The following NUP88 variants were observed in gnomAD, a reference collection of about 807,000 sequenced individuals.
The protein encoded by NUP88 is nucleoporin 88.
In NUP88, 57 loss-of-function variants were observed where a neutral mutation model predicts 93.9. That is an observed-to-expected ratio of 0.61 (90% CI 0.49 to 0.76). The LOEUF (loss-of-function observed/expected upper bound fraction) is 0.76. Ranked by LOEUF, NUP88 falls within the 30% of genes least tolerant of loss-of-function variation. The pLI is 0.00. For missense variants in NUP88, 911 were observed against 901.0 expected (o/e 1.01, Z -0.14); for synonymous variants, 346 against 336.8 (o/e 1.03, Z -0.30).
chr17:5,395,325 T>C (rs1216485981), intron 8 of NUP88, among the ~76,000 whole-genome samples: 1 of 37,574 alleles, frequency 2.7e-5, no homozygotes, highest in Non-Finnish European at 4.3e-5. Flanking sequence ...GGATTTCACA[T>C]TTTTTTTTTG....
In NUP88 at chr17:5,387,114, T is replaced by C; in HGVS notation, c.1917-4A>G. 1.2e-6 allele frequency: 2 copies of C among 1,612,712 alleles called. No individual in the cohort carries two copies. The highest frequency in any genetic ancestry group is 1.7e-6 in the Non-Finnish European group (2 of 1,179,624). ...ACTGTGAAGTAGTTTTTTCATCCTT[T>C]AGAAAAGGCAAGCAAACATCTCAAT... On this transcript the variant is annotated splice_region_variant and splice_polypyrimidine_tract_variant and intron_variant, in intron 14 of 16. Transcript: ENST00000573584.
chr17:5,403,216 G>T (rs58832024), intron 7 of NUP88, among the ~76,000 whole-genome samples: 66,174 of 151,636 alleles, frequency 0.44, 15,185 homozygotes, highest in East Asian at 0.84. Context: ...AGTGGCTCAC[G>T]CCTGGAATCC....
intron 10 of NUP88, 115 bp downstream of exon 10, chr17:5,391,446 A>G (rs1912410255): frequency 1.3e-6 from 1 of 753,380 alleles, no homozygotes; most frequent in Non-Finnish European, 2.2e-6. Flanking sequence ...TCAAGTCAGA[A>G]GCCAAAGTAT....
intron 8 of NUP88, among the ~76,000 whole-genome samples, chr17:5,397,880 TATTA>T (rs1240575859): frequency 6.6e-6 from 1 of 152,058 alleles, no homozygotes; most frequent in African/African-American, 2.4e-5. Flanking sequence ...GAATAATTGG[TATTA>T]ATTCTTTTTT....
chr17:5,409,082 A>G (rs1161760102), intron 4 of NUP88, among the ~76,000 whole-genome samples, 173 bp from the exon 5 acceptor site: 1 of 152,248 alleles, frequency 6.6e-6, no homozygotes, highest in African/African-American at 2.4e-5. Flanking sequence ...GTTAACATTT[A>G]AAAATTCTCA....
intron 3 of NUP88, among the ~76,000 whole-genome samples, chr17:5,412,456 C>A (rs182949949): frequency 6.6e-6 from 1 of 152,164 alleles, no homozygotes; most frequent in Non-Finnish European, 1.5e-5. Flanking sequence ...TAGCAATACA[C>A]ACGTATCACG....
In NUP88 at chr17:5,419,395, G is replaced by T; in HGVS notation, c.256C>A (p.Pro86Thr). ...GCGGGCTCTTCGCCGCCGCCGCTGG[G>T]GCCCCGAAGGCGAACGACTAAGAAG... ...SSFLVVRLRG[P>T]SGGGEEPALS... Residue 86 changes from proline to threonine, a missense_variant, in exon 1 of 17, where the codon CCC (proline) becomes ACC (threonine). Pro to Thr is a conservative substitution (Grantham distance 38). Coordinates refer to ENST00000573584, the MANE Select transcript of NUP88 (RefSeq NM_002532.6). 6.2e-7 allele frequency: 1 copy of T among 1,607,660 alleles called. No individual in the cohort carries two copies.
chr17:5,385,345 G>T lies in NUP88; in HGVS notation c.*861C>A. 4.3e-6 allele frequency: 1 copy of T among 230,806 alleles called. No homozygotes were observed. The highest frequency in any genetic ancestry group is 6.2e-5 in the East Asian group (1 of 16,204). 14.3% of individuals were successfully genotyped at this position (230,806 alleles called of 1,614,324 possible). A position where few individuals can be genotyped will look rare whatever the true frequency, so the allele number is the denominator to read the frequency against. On this transcript the variant is annotated 3_prime_UTR_variant, in exon 17 of 17. Coordinates refer to ENST00000573584, the MANE Select transcript of NUP88 (RefSeq NM_002532.6). ...TCAGTTGGGTTTCACGAGTGTTCCT[G>T]TGCTTATATTCAGTCTGTGCCTACA...
chr17:5,419,348 C>T lies in NUP88; in HGVS notation c.297+6G>A. 6.4e-7 allele frequency: 1 copy of T among 1,557,568 alleles called. No individual in the cohort carries two copies. Among genetic ancestry groups the T allele is most frequent in the South Asian group, 1.2e-5 (1 of 84,688 alleles). ...AGGGTCACTTCCAAGATCGGCCTGGCATTACCTGGTACTGGGACAGGGCGG... is the reference window on the plus strand; with the variant it reads ...AGGGTCACTTCCAAGATCGGCCTGGTATTACCTGGTACTGGGACAGGGCGG... On this transcript the variant is annotated splice_donor_region_variant and intron_variant, in intron 1 of 16. Transcript: ENST00000573584.
At chr17:5,413,619 C>T (rs56018748) in intron 3 of NUP88, among the ~76,000 whole-genome samples, 66,431 of 151,896 alleles carry the variant, frequency 0.44, 15,286 homozygotes, top group East Asian at 0.84. Flanking sequence ...AACTGAGCCC[C>T]CCAACCCCTA....
At chr17:5,402,986 T>TCACA (rs149934888) in intron 7 of NUP88, among the ~76,000 whole-genome samples, 1 of 151,686 alleles carries the variant, frequency 6.6e-6, no homozygotes, top group African/African-American at 2.4e-5. Context: ...TGAGATCATA[T>TCACA]CACACACACA....
At chr17:5,395,621 T>C (rs1374067830) in intron 8 of NUP88, among the ~76,000 whole-genome samples, 2 of 151,928 alleles carry the variant, frequency 1.3e-5, no homozygotes, top group South Asian at 2.1e-4. Context: ...CTCCGGCTTC[T>C]GGGTTTAAGT....
chr17:5,409,002 T>C, intron 4 of NUP88, 93 bp from the exon 5 acceptor site: 1 of 1,034,100 alleles, frequency 9.7e-7, no homozygotes, highest in Non-Finnish European at 1.4e-6. Flanking sequence ...AAATGTCTAA[T>C]AACAGGAGGT....
chr17:5,409,870 G>A (rs1285982693), intron 4 of NUP88, among the ~76,000 whole-genome samples: 1 of 152,196 alleles, frequency 6.6e-6, no homozygotes, highest in Non-Finnish European at 1.5e-5. Context: ...GGTTAACTAG[G>A]GAAGGAGCAG....
intron 5 of NUP88, among the ~76,000 whole-genome samples, chr17:5,405,500 G>T (rs967990041): frequency 6.6e-6 from 1 of 152,166 alleles, no homozygotes; most frequent in Non-Finnish European, 1.5e-5. Flanking sequence ...GTCACAATGT[G>T]GGGGGAGGTA....
At position 5,386,047 on chromosome 17, in the gene NUP88, A is replaced by T. The variant is rs1911931556; in HGVS notation, c.*159T>A. 8.7e-6 allele frequency: 5 copies of T among 574,196 alleles called. No homozygotes were observed. The South Asian group carries it at 1.1e-4, about 12-fold the overall frequency. The allele number at this position is 574,196 out of a possible 1,614,324, so 35.6% of individuals were successfully genotyped here. A position where few individuals can be genotyped will look rare whatever the true frequency, so the allele number is the denominator to read the frequency against. ...CACATTCCAAATTTTAAATAAAAGC[A>T]TTTACTCAATTATTATAAAACAACA... On this transcript the variant is annotated 3_prime_UTR_variant, in exon 17 of 17. Coordinates refer to ENST00000573584, the MANE Select transcript of NUP88 (RefSeq NM_002532.6).
At chr17:5,401,410 T>C (rs1913159647) in intron 7 of NUP88, among the ~76,000 whole-genome samples, 1 of 151,954 alleles carries the variant, frequency 6.6e-6, no homozygotes, top group Non-Finnish European at 1.5e-5. Context: ...AATAATGTTA[T>C]TAAACTAAAA....
chr17:5,412,477 T>G (rs1913894797), intron 3 of NUP88, among the ~76,000 whole-genome samples: 1 of 152,130 alleles, frequency 6.6e-6, no homozygotes. Flanking sequence ...TTCAGTACTA[T>G]CTACAGTTTC....
intron 1 of NUP88, 121 bp from the exon 2 acceptor site, chr17:5,416,803 G>A (rs1452841391): frequency 5.2e-6 from 4 of 765,354 alleles, no homozygotes; most frequent in Non-Finnish European, 8.1e-6. Flanking sequence ...CTCTGGATAA[G>A]TACTCACACT....
Sources: gnomAD v4.1 joint callset for allele counts (sites outside exome capture counted in the v4.1 genomes callset) on GRCh38, gnomAD v4.1.1 for gene constraint, MANE v1.5 for transcripts, NCBI Gene and HGNC (gene_info 2026-07-23, HGNC 2026-07-21) for gene names.